Variants in HDAC9 observed in about 807,000 individuals in gnomAD.
The protein encoded by HDAC9 is MEF-2 interacting transcription repressor (MITR) protein.
HDAC9 carries 41 observed loss-of-function variants against 139.4 expected under a neutral mutation model. The ratio of observed to expected loss-of-function variants is 0.29; its 90% CI spans 0.23 to 0.38. The LOEUF is 0.38. Ranked by LOEUF, HDAC9 falls within the 10% of genes least tolerant of loss-of-function variation. The pLI is 1.00. For missense variants in HDAC9, 1,147 were observed against 1,297.0 expected, an observed-to-expected ratio of 0.88 and a Z score of 1.78; for synonymous variants, 517 against 476.2, an observed-to-expected ratio of 1.09 and a Z score of -1.12.
chr7:18,264,937 T>C (rs1421528600), intron 2 of HDAC9, among the ~76,000 whole-genome samples: 1 of 152,212 alleles, frequency 6.6e-6, no homozygotes, highest in Non-Finnish European at 1.5e-5. Context: ...TTTATGGACT[T>C]TTTGTTTTAT....
intron 7 of HDAC9, among the ~76,000 whole-genome samples, chr7:18,629,870 C>A (rs114178213): frequency 0.026 from 3,958 of 152,144 alleles, 141 homozygotes; most frequent in African/African-American, 0.079. Flanking sequence ...CATGAATGTA[C>A]AAAATACATC....
chr7:18,401,749 G>GTA lies in HDAC9; in HGVS notation c.-41-94512_-41-94511dup, dbSNP rs1484209976. ...TTATTTTTCTTCCATATTCTGCTACGTACAGCTCTCTTGGCCAGAGTTACT... is the reference window on the plus strand; with the variant it reads ...TTATTTTTCTTCCATATTCTGCTACGTATACAGCTCTCTTGGCCAGAGTTACT... On this transcript the variant is annotated intron_variant, in intron 1 of 3. Coordinates refer to the HDAC9 transcript ENST00000413509. Among the ~76,000 whole-genome samples the GTA allele has an allele frequency of 6.6e-5, 10 of 152,048 alleles. No homozygotes were observed. The East Asian group carries it at 1.9e-3, about 29-fold the overall frequency.
At chr7:18,838,024 A>G (rs1464957618) in intron 21 of HDAC9, among the ~76,000 whole-genome samples, 2 of 152,022 alleles carry the variant, frequency 1.3e-5, no homozygotes, top group Admixed American at 6.6e-5. Context: ...CTGGCTTTCA[A>G]TGTCCATATT....
At chr7:18,911,445 T>C (rs1802733055) in intron 22 of HDAC9, among the ~76,000 whole-genome samples, 1 of 152,038 alleles carries the variant, frequency 6.6e-6, no homozygotes, top group Middle Eastern at 3.4e-3. Flanking sequence ...TTGTCAATTT[T>C]GTTTATCTTT....
intron 11 of HDAC9, among the ~76,000 whole-genome samples, chr7:18,665,674 T>C (rs1794642488): frequency 6.6e-6 from 1 of 152,132 alleles, no homozygotes; most frequent in African/African-American, 2.4e-5. Context: ...TTCTAGTTCT[T>C]ACAAATATAT....
chr7:18,397,311 A>G (rs1017877087), intron 1 of HDAC9, among the ~76,000 whole-genome samples: 2 of 152,170 alleles, frequency 1.3e-5, no homozygotes, highest in Admixed American at 6.5e-5. Flanking sequence ...TTGTTGGTAA[A>G]AATCCACTGT....
At chr7:18,190,842 A>G (rs1790300134) in intron 2 of HDAC9, among the ~76,000 whole-genome samples, 1 of 152,144 alleles carries the variant, frequency 6.6e-6, no homozygotes, top group Non-Finnish European at 1.5e-5. Context: ...TTCCTTTTAA[A>G]TATTTAAATA....
chr7:18,162,620 T>G, intron 2 of HDAC9: 1 of 452,644 alleles, frequency 2.2e-6, no homozygotes, highest in Non-Finnish European at 4.0e-6. Flanking sequence ...AGATTGAACT[T>G]TATGAAGTTA....
intron 1 of HDAC9, among the ~76,000 whole-genome samples, chr7:18,088,451 C>T (rs967167084): frequency 1.3e-5 from 2 of 151,988 alleles, no homozygotes; most frequent in South Asian, 4.1e-4. Flanking sequence ...AAAGGGAGTA[C>T]GTACATAGAA....
At chr7:18,219,025 A>G (rs1792505431) in intron 2 of HDAC9, among the ~76,000 whole-genome samples, 1 of 152,200 alleles carries the variant, frequency 6.6e-6, no homozygotes, top group South Asian at 2.1e-4. Context: ...TAGTATTGCC[A>G]TAACAAAATG....
At chr7:18,522,611 A>AAAAAACC (rs1563138644) in intron 2 of HDAC9, among the ~76,000 whole-genome samples, 2 of 151,590 alleles carry the variant, frequency 1.3e-5, no homozygotes, top group African/African-American at 4.9e-5. Flanking sequence ...AACAAAAAAC[A>AAAAAACC]AAAAACAAAA....
intron 2 of HDAC9, among the ~76,000 whole-genome samples, chr7:18,260,346 G>T (rs1426661818): frequency 1.5e-5 from 2 of 131,454 alleles, no homozygotes; most frequent in African/African-American, 5.5e-5. Context: ...TTGAGATGGA[G>T]TGAACTCTGT....
chr7:18,317,725 T>C (rs1475631574), intron 1 of HDAC9, among the ~76,000 whole-genome samples: 4 of 152,184 alleles, frequency 2.6e-5, no homozygotes, highest in Admixed American at 2.0e-4. Context: ...TGTGGAATTG[T>C]TTCGGGGGAT....
intron 22 of HDAC9, among the ~76,000 whole-genome samples, chr7:18,904,731 A>G (rs1417643871): frequency 2.0e-5 from 3 of 150,662 alleles, no homozygotes; most frequent in Non-Finnish European, 4.4e-5. Context: ...AACCGCCACC[A>G]CGCCCGGCTA....
chr7:18,702,110 TG>T (rs56133924), intron 12 of HDAC9, among the ~76,000 whole-genome samples: 20,209 of 152,194 alleles, frequency 0.13, 1,440 homozygotes, highest in East Asian at 0.21. Context: ...GCTGGGAGCG[TG>T]GCTGTAGGTT....
intron 2 of HDAC9, among the ~76,000 whole-genome samples, chr7:18,581,371 C>T (rs1827776217): frequency 6.6e-6 from 1 of 152,054 alleles, no homozygotes; most frequent in Admixed American, 6.5e-5. Context: ...AGTGATTAGT[C>T]TCTGAACAAA....
chr7:18,436,989 T>G (rs547224609), intron 1 of HDAC9, among the ~76,000 whole-genome samples: 1 of 152,352 alleles, frequency 6.6e-6, no homozygotes, highest in Non-Finnish European at 1.5e-5. Context: ...AGAGATATTT[T>G]GAAGACTGTC....
upstream of HDAC9, among the ~76,000 whole-genome samples, chr7:18,286,380 A>G (rs1797454242): frequency 6.7e-6 from 1 of 149,256 alleles, no homozygotes; most frequent in Non-Finnish European, 1.5e-5. Flanking sequence ...ATAATTACAT[A>G]TATAGTAATA....
intron 22 of HDAC9, among the ~76,000 whole-genome samples, chr7:18,897,572 T>C (rs1251069543): frequency 1.3e-5 from 2 of 151,900 alleles, no homozygotes; most frequent in South Asian, 2.1e-4. Flanking sequence ...ATCATATTTG[T>C]AGGTCATATC....
Sources: gnomAD v4.1 joint callset for allele counts (sites outside exome capture counted in the v4.1 genomes callset) on GRCh38, gnomAD v4.1.1 for gene constraint, MANE v1.5 for transcripts, NCBI Gene and HGNC (gene_info 2026-07-23, HGNC 2026-07-21) for gene names.